The following SMIM40 variants were observed in gnomAD, a reference collection of about 807,000 sequenced individuals.
SMIM40 encodes small integral membrane protein 40.
intron 1 of SMIM40, among the ~76,000 whole-genome samples, chr6:33,324,882 C>CAAAAAAAAAAAAAAAA (rs376451265): frequency 8.9e-4 from 42 of 47,240 alleles, no homozygotes; most frequent in Non-Finnish European, 1.1e-3. Flanking sequence ...GAGATTATCT[C>CAAAAAAAAAAAAAAAA]AAAAAAAAAA....
chr6:33,327,023 C>T (rs1284746413), intron 1 of SMIM40, among the ~76,000 whole-genome samples: 1 of 148,756 alleles, frequency 6.7e-6, no homozygotes, highest in Non-Finnish European at 1.5e-5. Flanking sequence ...ATTTGGGAGG[C>T]TGAGGCAGGA....
rs1418337708 is a variant in SMIM40, at chr6:33,323,841, T to G, written c.*123A>C. ...GGGGTGGGGCTTGGAGGAGAGTTTG[T>G]GCAAATTGCCGCTGCGAGGGCTGCT... On this transcript the variant is annotated 3_prime_UTR_variant, in exon 3 of 3. Transcript: ENST00000494082. The G allele has an allele frequency of 6.6e-6, 1 of 152,386 alleles. No individual in the cohort carries two copies. Among genetic ancestry groups the G allele is most frequent in the African/African-American group, 2.4e-5 (1 of 41,422 alleles). The allele number at this position is 152,386 out of a possible 1,614,324, so 9.4% of individuals were successfully genotyped here.
intron 1 of SMIM40, among the ~76,000 whole-genome samples, chr6:33,326,471 C>G (rs759430664): frequency 6.7e-6 from 1 of 148,564 alleles, no homozygotes; most frequent in African/African-American, 2.6e-5. Context: ...GCACCGTGCC[C>G]GGCCATCACT....
intron 1 of SMIM40, among the ~76,000 whole-genome samples, chr6:33,324,545 C>CTTTTTTTTTTTTTTTTTTTGCTTTT (rs1771014602): frequency 9.7e-6 from 1 of 103,216 alleles, no homozygotes; most frequent in Non-Finnish European, 1.9e-5. Flanking sequence ...ACCACCTTTT[C>CTTTTTTTTTTTTTTTTTTTGCTTTT]TTTTTTTTTT....
chr6:33,325,169 C>A (rs1030636257), intron 1 of SMIM40, among the ~76,000 whole-genome samples: 4 of 148,790 alleles, frequency 2.7e-5, no homozygotes, highest in African/African-American at 1.0e-4. Flanking sequence ...AAGTTTGAGA[C>A]CAGCCTGGCC....
At chr6:33,324,914 G>GA (rs1003238652) in intron 1 of SMIM40, among the ~76,000 whole-genome samples, 9 of 86,626 alleles carry the variant, frequency 1.0e-4, no homozygotes, top group African/African-American at 2.3e-4. Context: ...AAAAAAAAAG[G>GA]AAAAAAAAAG....
rs1193380121 is a variant in SMIM40, at chr6:33,325,742, C to T, written c.*40-1712G>A. Among the ~76,000 whole-genome samples, 2 of 145,996 alleles carry T rather than the reference C, an allele frequency of 1.4e-5. 1 individual carries two copies. Among genetic ancestry groups the T allele is most frequent in the African/African-American group, 5.4e-5 (2 of 37,062 alleles). ...CGTGGTGGTGGGCGCCTTGTAGACCCAGCTACTCCGGAGGCTGAGGCAGGA... is the reference window on the plus strand; with the variant it reads ...CGTGGTGGTGGGCGCCTTGTAGACCTAGCTACTCCGGAGGCTGAGGCAGGA... On this transcript the variant is annotated intron_variant, in intron 1 of 2. Transcript: ENST00000494082.
intron 1 of SMIM40, among the ~76,000 whole-genome samples, chr6:33,327,214 A>G (rs1384879272): frequency 1.3e-5 from 2 of 148,468 alleles, no homozygotes; most frequent in African/African-American, 5.2e-5. Flanking sequence ...GAAGTCTAGG[A>G]GTTCGAGACC....
Position 33,329,031 on chromosome 6 carries a change from A to G in SMIM40, c.235T>C (p.Leu79=), listed in dbSNP as rs1771389612. The G allele has an allele frequency of 5.0e-6, 2 of 398,706 alleles. No individual in the cohort carries two copies. Among genetic ancestry groups the G allele is most frequent in the East Asian group, 7.1e-5 (2 of 28,072 alleles). The allele number at this position is 398,706 out of a possible 1,614,324, so 24.7% of individuals were successfully genotyped here. Residue 79 remains leucine, a synonymous_variant, in exon 1 of 3, where the codon TTG becomes CTG. Coordinates refer to ENST00000494082, the MANE Select transcript of SMIM40 (RefSeq NM_001369203.1). ...GATGTTTATAGGAAAGGTGGTCACA[A>G]TTCCAGCTCCTCCTCCTTCTGAGGT... ...GTPQKEEELE[L]
At chr6:33,326,691 C>G (rs1007439257) in intron 1 of SMIM40, among the ~76,000 whole-genome samples, 2 of 144,234 alleles carry the variant, frequency 1.4e-5, no homozygotes. Context: ...CAGGCGTGGT[C>G]GTGGGCGCCT....
Position 33,328,886 on chromosome 6 carries a change from C to CA in SMIM40, c.*39+100dup, listed in dbSNP as rs9280408. 1,374 of 273,088 alleles carry CA rather than the reference C, an allele frequency of 5.0e-3. 7 individuals are homozygous for CA. Among genetic ancestry groups the CA allele is most frequent in the East Asian group, 0.011 (165 of 14,796 alleles). 16.9% of individuals were successfully genotyped at this position (273,088 alleles called of 1,614,324 possible). The stretch of plus-strand genomic sequence containing the variant: ...AGGTAACAAGAGCAAAACTCCATCT[C>CA]AAAAAAAAAAAAAAAAAAAAAAAGA... On this transcript the variant is annotated intron_variant, in intron 1 of 2. Coordinates refer to ENST00000494082, the MANE Select transcript of SMIM40 (RefSeq NM_001369203.1).
chr6:33,328,127 T>C (rs927159587), intron 1 of SMIM40, among the ~76,000 whole-genome samples: 3 of 151,700 alleles, frequency 2.0e-5, no homozygotes, highest in Non-Finnish European at 4.4e-5. Context: ...AATGTGAATA[T>C]TTTCAATATG....
At chr6:33,325,074 T>C in intron 1 of SMIM40, among the ~76,000 whole-genome samples, 1 of 150,862 alleles carries the variant, frequency 6.6e-6, no homozygotes, top group East Asian at 2.0e-4. Flanking sequence ...TTAAAAAAAG[T>C]TTTTTGTGGA....
chr6:33,327,053 G>A (rs1353518999), intron 1 of SMIM40, among the ~76,000 whole-genome samples: 2 of 148,920 alleles, frequency 1.3e-5, no homozygotes, highest in East Asian at 3.9e-4. Flanking sequence ...GAACCCGGGA[G>A]GCAGAGGTTG....
chr6:33,324,529 A>G (rs2151005799), intron 1 of SMIM40, among the ~76,000 whole-genome samples: 1 of 143,784 alleles, frequency 7.0e-6, no homozygotes, highest in Middle Eastern at 3.6e-3. Flanking sequence ...CCAAGGCACC[A>G]TGAATACCAC....
intron 1 of SMIM40, among the ~76,000 whole-genome samples, chr6:33,326,629 A>T (rs1204453661): frequency 6.8e-6 from 1 of 147,610 alleles, no homozygotes; most frequent in East Asian, 2.0e-4. Flanking sequence ...GTTCGAGACC[A>T]GCCTGACCAA....
chr6:33,324,524 G>C (rs1340121790), intron 1 of SMIM40, among the ~76,000 whole-genome samples: 1 of 147,494 alleles, frequency 6.8e-6, no homozygotes, highest in Non-Finnish European at 1.5e-5. Context: ...TTTCACCAAG[G>C]CACCATGAAT....
chr6:33,325,355 ACT>A (rs1771101314), intron 1 of SMIM40, among the ~76,000 whole-genome samples: 1 of 111,214 alleles, frequency 9.0e-6, no homozygotes, highest in Non-Finnish European at 1.7e-5. Flanking sequence ...ACAGAGCAAG[ACT>A]CTGTCTCAAA....
chr6:33,326,792 C>A (rs2151009508), intron 1 of SMIM40, among the ~76,000 whole-genome samples: 1 of 148,036 alleles, frequency 6.8e-6, no homozygotes, highest in East Asian at 2.0e-4. Context: ...CCACTGCACT[C>A]CAGCCTGGGC....
Sources: gnomAD v4.1 joint callset for allele counts (sites outside exome capture counted in the v4.1 genomes callset) on GRCh38, gnomAD v4.1.1 for gene constraint, MANE v1.5 for transcripts, NCBI Gene and HGNC (gene_info 2026-07-23, HGNC 2026-07-21) for gene names.